PPL: variants seen among roughly 807,000 people sequenced by gnomAD.
PPL encodes periplakin, also known as 190 kDa paraneoplastic pemphigus antigen.
A neutral mutation model predicts 194.4 loss-of-function variants in PPL; 198 were observed. The observed-to-expected ratio is 1.02, with a 90% CI of 0.91 to 1.15. The LOEUF (loss-of-function observed/expected upper bound fraction) is 1.15. Among genes scored for constraint, PPL ranks in the 50% most tolerant of loss-of-function variants. The probability of loss-of-function intolerance (pLI) is 0.00; values close to 1 mark genes in which losing one functional copy is unlikely to be tolerated. For missense variants in PPL, 2,885 were observed against 2,294.8 expected, an observed-to-expected ratio of 1.26 and a Z score of -5.25; for synonymous variants, 1,220 against 972.4, an observed-to-expected ratio of 1.25 and a Z score of -4.74.
In PPL at chr16:4,925,546, A is replaced by G. The variant is rs549689486; in HGVS notation, c.62+11438T>C. 2.6e-5 allele frequency among the ~76,000 whole-genome samples: 4 copies of G among 152,126 alleles called. No individual in the cohort carries two copies. The East Asian group carries it at 5.8e-4, about 22-fold the overall frequency. The stretch of plus-strand genomic sequence containing the variant: ...TTAAATTTTTGGACAAAAAGAACTT[A>G]CTCACCTTTTTGGGGGCCCTTCTAT... On this transcript the variant is annotated intron_variant, in intron 1 of 21. Coordinates refer to ENST00000345988, the MANE Select transcript of PPL (RefSeq NM_002705.5).
intron 1 of PPL, among the ~76,000 whole-genome samples, chr16:4,916,447 G>A (rs551722561): frequency 1.3e-5 from 2 of 151,404 alleles, no homozygotes; most frequent in South Asian, 4.2e-4. Flanking sequence ...CCTGACCTCA[G>A]GTGATGCACT....
chr16:4,896,481 A>C (rs989610055), intron 9 of PPL, among the ~76,000 whole-genome samples: 3 of 152,168 alleles, frequency 2.0e-5, no homozygotes, highest in African/African-American at 7.2e-5. Flanking sequence ...GCCAGACACA[A>C]AAGGGCAGAG....
chr16:4,892,919 C>T (rs2088347179), intron 14 of PPL: 2 of 354,696 alleles, frequency 5.6e-6, no homozygotes, highest in Non-Finnish European at 1.0e-5. Context: ...TGCAGTCAAG[C>T]CAGCCGGTGA....
In PPL at chr16:4,884,835, T is replaced by C. The variant is rs2088183729; in HGVS notation, c.3820A>G (p.Lys1274Glu). 2 of 1,614,150 alleles carry C rather than the reference T, an allele frequency of 1.2e-6. No individual in the cohort carries two copies. Among genetic ancestry groups the C allele is most frequent in the East Asian group, 4.5e-5 (2 of 44,876 alleles). ...RCDLEIYQLK[K>E]EIQALKDTKP... Reference sequence around the variant, plus strand: ...GTGTCTTTCAGGGCCTGGATTTCCTTTTTCAGCTGGTAGATCTCTAAATCA... The same window carrying C: ...GTGTCTTTCAGGGCCTGGATTTCCTCTTTCAGCTGGTAGATCTCTAAATCA... The change falls in exon 22 of 22, where the codon AAG becomes GAG. Residue 1274 changes from lysine (K) to glutamate (E), a missense_variant. Physicochemically the swap from Lys to Glu is moderately conservative, Grantham distance 56. Transcript: ENST00000345988. The surrounding 1 kb of genome is among the most constrained non-coding windows in gnomAD (Gnocchi z 5.7).
At position 4,899,064 on chromosome 16, in the gene PPL, G is replaced by C. The variant is rs74003566; in HGVS notation, c.825C>G (p.Ser275Arg). Residue 275 changes from serine (S) to arginine (R), a missense_variant, in exon 8 of 22, where the codon AGC becomes AGG. Physicochemically the swap from Ser to Arg is moderately radical, Grantham distance 110. Coordinates refer to ENST00000345988, the MANE Select transcript of PPL (RefSeq NM_002705.5). ...CGGCCGCCAGCAGCTGGTCGCCCTC[G>C]CTGTGCAGTTTGTTGATTCTCTCCT... is the stretch of plus-strand genomic sequence containing the variant. ...AKEERINKLH[S>R]EGDQLLAAEH... The C allele has an allele frequency of 6.2e-6, 10 of 1,611,648 alleles. No individual in the cohort carries two copies. In the South Asian group the frequency reaches 1.1e-4, roughly 18 times the overall value.
In PPL at chr16:4,936,889, AC is replaced by A. The variant is rs534287023; in HGVS notation, c.62+94del. 1.4e-3 allele frequency: 1,827 copies of A among 1,271,436 alleles called. 29 individuals are homozygous for A. The African/African-American group carries it at 0.025, about 18-fold the overall frequency. The allele number at this position is 1,271,436 out of a possible 1,614,324, so 78.8% of individuals were successfully genotyped here. A position where few individuals can be genotyped will look rare whatever the true frequency, so the allele number is the denominator to read the frequency against. The stretch of plus-strand genomic sequence containing the variant: ...CAGTTCCCGGTTCCTGGACCCCCGT[AC>A]CCCCCATTCCTACACTGCCCGGGAG... On this transcript the variant is annotated intron_variant, in intron 1 of 21. Transcript: ENST00000345988.
At chr16:4,930,525 T>G (rs139864642) in intron 1 of PPL, among the ~76,000 whole-genome samples, 285 of 152,322 alleles carry the variant, frequency 1.9e-3, no homozygotes, top group African/African-American at 6.6e-3. Flanking sequence ...CAGTCCCCCA[T>G]GGCTTACTCT....
chr16:4,884,079 C>T lies in PPL; in HGVS notation c.4576G>A (p.Glu1526Lys), dbSNP rs1018648104. 5 of 1,612,902 alleles carry T rather than the reference C, an allele frequency of 3.1e-6. No individual in the cohort carries two copies. The highest frequency in any genetic ancestry group is 1.7e-5 in the Admixed American group (1 of 59,886). Residue 1526 changes from glutamate (E) to lysine (K), a missense_variant, in exon 22 of 22, where the codon GAG becomes AAG. Transcript: ENST00000345988. The surrounding 1 kb of genome is among the most constrained non-coding windows in gnomAD (Gnocchi z 5.7). ...IQRLKSSLEE[E>K]SRSKRELDVE... ...TCCAGCTCGCGCTTGCTGCGGCTCTCCTCCTCCAGGCTGCTCTTGAGCCTC... is the reference window on the plus strand; with the variant it reads ...TCCAGCTCGCGCTTGCTGCGGCTCTTCTCCTCCAGGCTGCTCTTGAGCCTC...
At chr16:4,924,704 C>T (rs1271098042) in intron 1 of PPL, among the ~76,000 whole-genome samples, 1 of 152,162 alleles carries the variant, frequency 6.6e-6, no homozygotes, top group African/African-American at 2.4e-5. Context: ...TGTGGAGGAC[C>T]CTGGCACGAA....
At position 4,883,231 on chromosome 16, in the gene PPL, A is replaced by G. The variant is rs1452034782; in HGVS notation, c.*153T>C. On this transcript the variant is annotated 3_prime_UTR_variant, in exon 22 of 22. Transcript: ENST00000345988. The surrounding 1 kb of genome is among the most constrained non-coding windows in gnomAD (Gnocchi z 4.8). The stretch of plus-strand genomic sequence containing the variant: ...CCTGTCTTCAGCCAGTGCCTGTCTC[A>G]TATGTGGGCGGGACTCTGAGCAGCC... The G allele has an allele frequency of 2.0e-6, 2 of 992,026 alleles. No homozygotes were observed. Among genetic ancestry groups the G allele is most frequent in the Admixed American group, 4.8e-5 (2 of 41,720 alleles). The allele number at this position is 992,026 out of a possible 1,614,324, so 61.5% of individuals were successfully genotyped here.
At chr16:4,924,409 A>T (rs925998878) in intron 1 of PPL, among the ~76,000 whole-genome samples, 1 of 152,160 alleles carries the variant, frequency 6.6e-6, no homozygotes, top group African/African-American at 2.4e-5. Flanking sequence ...ATTCTGGGGC[A>T]CCCGGACCTG....
chr16:4,905,958 G>C (rs2088673518), intron 2 of PPL, among the ~76,000 whole-genome samples: 1 of 152,142 alleles, frequency 6.6e-6, no homozygotes, highest in Admixed American at 6.5e-5. Context: ...ATTTTTAAAA[G>C]GTAGCTGGGT....
In PPL at chr16:4,883,552, C is replaced by A; in HGVS notation, c.5103G>T (p.Lys1701Asn). Residue 1701 changes from lysine (K) to asparagine (N), a missense_variant, in exon 22 of 22, where the codon AAG becomes AAT. Lys to Asn is a moderately conservative substitution (Grantham distance 94). Coordinates refer to ENST00000345988, the MANE Select transcript of PPL (RefSeq NM_002705.5). The surrounding 1 kb of genome is among the most constrained non-coding windows in gnomAD (Gnocchi z 4.8). ...TCACTGAGGACTCCCCATTGGGACCCTTCACTGAGATCTCCTCCCAGTCGC... is the reference window on the plus strand; with the variant it reads ...TCACTGAGGACTCCCCATTGGGACCATTCACTGAGATCTCCTCCCAGTCGC... ...QECDWEEISV[K>N]GPNGESSVIH... 6.2e-7 allele frequency: 1 copy of A among 1,614,182 alleles called. No individual in the cohort carries two copies. Among genetic ancestry groups the A allele is most frequent in the Non-Finnish European group, 8.5e-7 (1 of 1,180,014 alleles).
rs1297955037 is a variant in PPL at position 4,895,658 on chromosome 16, T to C, written c.1031A>G (p.Asn344Ser). The C allele has an allele frequency of 1.2e-6, 2 of 1,614,004 alleles. No individual in the cohort carries two copies. The highest frequency in any genetic ancestry group is 3.3e-5 in the Admixed American group (2 of 60,028). Residue 344 changes from asparagine to serine, a missense_variant, in exon 10 of 22, where the codon AAC (asparagine) becomes AGC (serine). By Grantham distance (46) the Asn-to-Ser change is conservative. Coordinates refer to ENST00000345988, the MANE Select transcript of PPL (RefSeq NM_002705.5). Reference protein sequence around the residue: ...ELLRKVDSDLNQKYGPDFKDR... With the variant: ...ELLRKVDSDLSQKYGPDFKDR... ...CTTGAAGTCAGGGCCATACTTCTGG[T>C]TCAGGTCCGAGTCCACCTTGCGCAG...
intron 9 of PPL, among the ~76,000 whole-genome samples, chr16:4,897,004 T>C (rs1211527025): frequency 6.6e-6 from 1 of 152,056 alleles, no homozygotes; most frequent in Non-Finnish European, 1.5e-5. Context: ...TTGCATAACA[T>C]TGCGAATGCA....
At position 4,890,166 on chromosome 16, in the gene PPL, C is replaced by T. The variant is rs771710527; in HGVS notation, c.2313+18G>A. On this transcript the variant is annotated intron_variant, in intron 18 of 21. Coordinates refer to ENST00000345988, the MANE Select transcript of PPL (RefSeq NM_002705.5). ...CCTTGCCAGTGTGTGCCTGGGGCTGCGGAAACGGCCATCTCACCTTCTGGT... is the reference window on the plus strand; with the variant it reads ...CCTTGCCAGTGTGTGCCTGGGGCTGTGGAAACGGCCATCTCACCTTCTGGT... The T allele has an allele frequency of 2.2e-5, 36 of 1,613,780 alleles. No individual in the cohort carries two copies. In the East Asian group the frequency reaches 4.7e-4, roughly 21 times the overall value.
chr16:4,911,605 G>A (rs986273699), intron 1 of PPL, among the ~76,000 whole-genome samples: 1 of 152,140 alleles, frequency 6.6e-6, no homozygotes, highest in African/African-American at 2.4e-5. Flanking sequence ...CACAGTCATG[G>A]CTCACTGCAG....
rs1259900437 is a variant in PPL at position 4,895,628 on chromosome 16, C to T, written c.1061G>A (p.Arg354Gln). 10 of 1,613,924 alleles carry T rather than the reference C, an allele frequency of 6.2e-6. No homozygotes were observed. The African/African-American group carries it at 8.0e-5, about 13-fold the overall frequency. The stretch of plus-strand genomic sequence containing the variant: ...CCGCAGCAGCAGCTCAATCTGGTAC[C>T]GGTCCTTGAAGTCAGGGCCATACTT... ...NQKYGPDFKD[R>Q]YQIELLLREL... Residue 354 changes from arginine to glutamine, a missense_variant, in exon 10 of 22, where the codon CGG becomes CAG. Coordinates refer to ENST00000345988, the MANE Select transcript of PPL (RefSeq NM_002705.5).
At chr16:4,922,008 C>T (rs371182715) in intron 1 of PPL, among the ~76,000 whole-genome samples, 3 of 151,780 alleles carry the variant, frequency 2.0e-5, no homozygotes, top group Non-Finnish European at 4.4e-5. Flanking sequence ...ACAGGTGTCT[C>T]GGGGGACCCT....
Sources: allele counts gnomAD v4.1 joint callset (sites outside exome capture counted in the v4.1 genomes callset), GRCh38; gene constraint gnomAD v4.1.1; non-coding constraint Gnocchi (gnomAD v3.1); transcripts MANE v1.5; gene names NCBI Gene and HGNC (gene_info 2026-07-23, HGNC 2026-07-21).